Variants in TMEM132D observed in about 807,000 individuals in gnomAD.
TMEM132D encodes mature OL transmembrane protein.
A neutral mutation model predicts 62.3 loss-of-function variants in TMEM132D; 21 were observed. That is an observed-to-expected ratio of 0.34 (90% confidence interval 0.24 to 0.49). TMEM132D has a LOEUF of 0.49. TMEM132D is among the 20% of genes least tolerant of loss of function. TMEM132D has a pLI of 0.99. For missense variants in TMEM132D, 1,346 were observed against 1,402.8 expected, an observed-to-expected ratio of 0.96 and a Z score of 0.65; for synonymous variants, 621 against 575.6, an observed-to-expected ratio of 1.08 and a Z score of -1.13.
chr12:129,691,798 C>A (rs563002964), intron 2 of TMEM132D, among the ~76,000 whole-genome samples: 1 of 151,902 alleles, frequency 6.6e-6, no homozygotes, highest in East Asian at 1.9e-4. Context: ...CAACTCCGCT[C>A]AAAAAATAAT....
At chr12:129,883,708 T>TG (rs1566018879) in intron 1 of TMEM132D, among the ~76,000 whole-genome samples, 1 of 152,086 alleles carries the variant, frequency 6.6e-6, no homozygotes. Flanking sequence ...GAGACACACA[T>TG]GGGGGAACAA....
chr12:129,093,636 T>A (rs1309660629), intron 5 of TMEM132D, among the ~76,000 whole-genome samples: 4 of 152,264 alleles, frequency 2.6e-5, no homozygotes, highest in South Asian at 2.1e-4. Context: ...TTCAATGTCA[T>A]CTCCATCAAG....
At chr12:129,825,612 T>C (rs1431668895) in intron 1 of TMEM132D, among the ~76,000 whole-genome samples, 1 of 152,174 alleles carries the variant, frequency 6.6e-6, no homozygotes, top group Non-Finnish European at 1.5e-5. Flanking sequence ...TTGCTGCATC[T>C]GGAGCCACTG....
rs1368978877 is a variant in TMEM132D at position 129,529,055 on chromosome 12, T to TA, written c.1115+2003dup. On this transcript the variant is annotated intron_variant, in intron 3 of 8. Transcript: ENST00000422113. The stretch of plus-strand genomic sequence containing the variant: ...ACACACATATAACATATTATACACA[T>TA]ATAACATATTGTGTGTGTGTGTGTC... 2.6e-5 allele frequency among the ~76,000 whole-genome samples: 4 copies of TA among 152,240 alleles called. No individual in the cohort carries two copies. In the East Asian group the frequency reaches 7.7e-4, roughly 29 times the overall value.
At chr12:129,379,982 TAA>T (rs1428275174) in intron 3 of TMEM132D, among the ~76,000 whole-genome samples, 1 of 152,216 alleles carries the variant, frequency 6.6e-6, no homozygotes, top group African/African-American at 2.4e-5. Flanking sequence ...CATATATTTA[TAA>T]GAGTGACATA....
At chr12:129,891,089 G>A (rs1008334478) in intron 1 of TMEM132D, among the ~76,000 whole-genome samples, 5 of 152,002 alleles carry the variant, frequency 3.3e-5, no homozygotes, top group Admixed American at 6.5e-5. Context: ...CCTCTTCCCC[G>A]GTGACTCGGT....
chr12:129,167,166 AAAAAC>A (rs377301796), intron 5 of TMEM132D, among the ~76,000 whole-genome samples: 41,487 of 121,850 alleles, frequency 0.34, 7,489 homozygotes, highest in African/African-American at 0.57. Flanking sequence ...TTTAAAAAAA[AAAAAC>A]AAAAAAAAAA....
intron 3 of TMEM132D, among the ~76,000 whole-genome samples, chr12:129,339,257 AAT>A (rs1455675624): frequency 6.7e-6 from 1 of 149,044 alleles, no homozygotes; most frequent in East Asian, 1.9e-4. Context: ...ATGAAATGAA[AAT>A]ATGTCTCAAA....
chr12:129,221,237 G>T (rs966775741), intron 4 of TMEM132D, among the ~76,000 whole-genome samples: 3 of 152,196 alleles, frequency 2.0e-5, no homozygotes, highest in Non-Finnish European at 4.4e-5. Context: ...AGATGATGCA[G>T]TGAGGAGATG....
chr12:129,085,872 TG>T (rs1160216538), intron 5 of TMEM132D: 2 of 152,290 alleles, frequency 1.3e-5, no homozygotes, highest in Non-Finnish European at 2.9e-5. Flanking sequence ...CTAGCTTTCC[TG>T]GGGGAAGGCA....
At chr12:129,308,573 C>T (rs927193821) in intron 4 of TMEM132D, among the ~76,000 whole-genome samples, 31 of 152,154 alleles carry the variant, frequency 2.0e-4, no homozygotes, top group Non-Finnish European at 1.9e-4. Context: ...TCAAAATACT[C>T]GATGACCCAT....
chr12:129,892,151 A>G (rs1049519859), intron 1 of TMEM132D, among the ~76,000 whole-genome samples: 1 of 152,208 alleles, frequency 6.6e-6, no homozygotes, highest in Non-Finnish European at 1.5e-5. Flanking sequence ...TGAGAGTCCT[A>G]AAAGTTAAAG....
intron 3 of TMEM132D, among the ~76,000 whole-genome samples, chr12:129,462,429 T>C (rs1399660818): frequency 4.6e-5 from 7 of 152,110 alleles, no homozygotes; most frequent in Admixed American, 2.0e-4. Flanking sequence ...GAAATTGAAA[T>C]AGTATTACAG....
chr12:129,817,197 A>G (rs750794123), intron 1 of TMEM132D, among the ~76,000 whole-genome samples: 3 of 152,224 alleles, frequency 2.0e-5, no homozygotes, highest in Non-Finnish European at 4.4e-5. Flanking sequence ...ACCTTAATAT[A>G]TGCAAGCATT....
At chr12:129,548,572 G>A (rs1876803587) in intron 2 of TMEM132D, among the ~76,000 whole-genome samples, 4 of 152,178 alleles carry the variant, frequency 2.6e-5, no homozygotes, top group Admixed American at 2.6e-4. Flanking sequence ...GTAATGGCCT[G>A]TTCTTTTTCT....
chr12:129,546,477 CGTATATTAACATT>C (rs1398665183), intron 2 of TMEM132D, among the ~76,000 whole-genome samples: 14 of 152,030 alleles, frequency 9.2e-5, no homozygotes, highest in Non-Finnish European at 2.1e-4. Context: ...CTTTAGAGCA[CGTATATTAACATT>C]GTCAAGCCCC....
intron 5 of TMEM132D, among the ~76,000 whole-genome samples, chr12:129,087,989 C>T (rs113840579): frequency 3.8e-5 from 3 of 79,044 alleles, no homozygotes; most frequent in Admixed American, 3.0e-4. Context: ...GGGTGTCCTC[C>T]ATGACCGGGG....
chr12:129,896,627 C>T (rs954293524), intron 1 of TMEM132D, among the ~76,000 whole-genome samples: 4 of 152,178 alleles, frequency 2.6e-5, no homozygotes, highest in Non-Finnish European at 5.9e-5. Context: ...TAATGTCACT[C>T]TCGTGAAAAG....
At chr12:129,355,991 T>A (rs936210691) in intron 3 of TMEM132D, among the ~76,000 whole-genome samples, 18 of 152,152 alleles carry the variant, frequency 1.2e-4, no homozygotes, top group African/African-American at 4.1e-4. Context: ...GAAGCTACCC[T>A]GCACGCGATT....
Sources: gnomAD v4.1 joint callset for allele counts (sites outside exome capture counted in the v4.1 genomes callset) on GRCh38, gnomAD v4.1.1 for gene constraint, MANE v1.5 for transcripts, NCBI Gene and HGNC (gene_info 2026-07-23, HGNC 2026-07-21) for gene names.